Variants in GSE1 observed in about 807,000 individuals in gnomAD.
The protein encoded by GSE1 is Gse1 coiled-coil protein, also known as genetic suppressor element 1.
A neutral mutation model predicts 112.6 loss-of-function variants in GSE1; 32 were observed. The observed-to-expected ratio is 0.28, with a 90% CI of 0.21 to 0.38. The LOEUF (loss-of-function observed/expected upper bound fraction) is 0.38. GSE1 is among the 10% of genes least tolerant of loss of function. The pLI, the probability that GSE1 is intolerant of heterozygous loss-of-function variation, is 1.00. For missense variants in GSE1, 2,348 were observed against 1,699.2 expected, an observed-to-expected ratio of 1.38 and a Z score of -6.71; for synonymous variants, 1,115 against 735.6, an observed-to-expected ratio of 1.52 and a Z score of -8.35.
chr16:85,420,694 G>A (rs937542846), intron 2 of GSE1, among the ~76,000 whole-genome samples: 5 of 152,200 alleles, frequency 3.3e-5, no homozygotes, highest in Admixed American at 2.0e-4. Flanking sequence ...CCACACCTGT[G>A]ATCCGTCAGC....
chr16:85,398,680 C>G (rs138688197), intron 2 of GSE1, among the ~76,000 whole-genome samples: 6 of 152,224 alleles, frequency 3.9e-5, no homozygotes, highest in Non-Finnish European at 4.4e-5. Flanking sequence ...TCGAGGGGCT[C>G]ATTTCAGATG....
chr16:85,200,874 T>G (rs1348959254), intron 1 of GSE1, among the ~76,000 whole-genome samples: 1 of 152,228 alleles, frequency 6.6e-6, no homozygotes, highest in Non-Finnish European at 1.5e-5. Flanking sequence ...CTGTCCCCGG[T>G]AAACATGAAC....
At chr16:85,262,504 T>C (rs1459026548) in intron 1 of GSE1, among the ~76,000 whole-genome samples, 1 of 152,218 alleles carries the variant, frequency 6.6e-6, no homozygotes, top group African/African-American at 2.4e-5. Flanking sequence ...AAGCATGCCT[T>C]GGCCTCCCTC....
intron 2 of GSE1, among the ~76,000 whole-genome samples, chr16:85,390,433 GT>G (rs1874881684): frequency 6.6e-6 from 1 of 152,126 alleles, no homozygotes; most frequent in Admixed American, 6.5e-5. Flanking sequence ...GGGGCAGCTA[GT>G]CCCCTTTGAG....
intron 1 of GSE1, among the ~76,000 whole-genome samples, chr16:85,562,558 T>TCCTTCTAC (rs988878868): frequency 2.0e-5 from 3 of 152,252 alleles, no homozygotes; most frequent in African/African-American, 7.2e-5. Flanking sequence ...AGAATGCGTG[T>TCCTTCTAC]CCTTCTACGC....
chr16:85,420,998 T>C (rs2048830487), intron 2 of GSE1, among the ~76,000 whole-genome samples: 1 of 152,162 alleles, frequency 6.6e-6, no homozygotes, highest in African/African-American at 2.4e-5. Context: ...CACGTGACGC[T>C]CTAGGCCTCA....
chr16:85,331,700 TATATA>T (rs1567693508), intron 1 of GSE1, among the ~76,000 whole-genome samples: 16 of 58,588 alleles, frequency 2.7e-4, no homozygotes, highest in African/African-American at 7.1e-4. Flanking sequence ...TATATATATA[TATATA>T]TATTTTTTTT....
chr16:85,531,785 G>A (rs2044146362), intron 2 of GSE1, among the ~76,000 whole-genome samples: 1 of 152,204 alleles, frequency 6.6e-6, no homozygotes, highest in African/African-American at 2.4e-5. Flanking sequence ...ATGGGCTCAG[G>A]GAGGGGCCAG....
At chr16:85,176,363 G>C (rs2074464672) in intron 1 of GSE1, among the ~76,000 whole-genome samples, 1 of 152,220 alleles carries the variant, frequency 6.6e-6, no homozygotes, top group African/African-American at 2.4e-5. Flanking sequence ...ACATCTCAGG[G>C]GCAGGAGTTA....
intron 1 of GSE1, among the ~76,000 whole-genome samples, chr16:85,277,295 A>AT (rs913057586): frequency 3.0e-4 from 45 of 151,780 alleles, no homozygotes; most frequent in Non-Finnish European, 5.2e-4. Context: ...AGGCTGGGTC[A>AT]TTTTTTTTGC....
chr16:85,670,930 G>C, intron 14 of GSE1, 65 bp from the exon 15 acceptor site: 3 of 983,882 alleles, frequency 3.0e-6, no homozygotes, highest in Non-Finnish European at 4.9e-6. Context: ...GTGAAGAGGA[G>C]AGCACAAAGC....
At chr16:85,427,788 C>T (rs1362437307) in intron 2 of GSE1, among the ~76,000 whole-genome samples, 3 of 152,168 alleles carry the variant, frequency 2.0e-5, no homozygotes, top group African/African-American at 7.2e-5. Flanking sequence ...GCCCAGATCG[C>T]GCCACTGCAC....
intron 2 of GSE1, among the ~76,000 whole-genome samples, chr16:85,645,630 C>A (rs1237076415): frequency 1.3e-5 from 2 of 152,330 alleles, no homozygotes; most frequent in East Asian, 3.9e-4. Context: ...CTCTGGGCAC[C>A]CCCTGTGAGC....
chr16:85,666,482 T>C, intron 13 of GSE1, 135 bp downstream of exon 13: 1 of 803,560 alleles, frequency 1.2e-6, no homozygotes, highest in Non-Finnish European at 2.0e-6. Context: ...AAGAAAATAA[T>C]TTCGTTATTA....
In GSE1 at chr16:85,675,517, C is replaced by G. The variant is rs963526831; in HGVS notation, c.*2978C>G. 6.6e-6 allele frequency: 1 copy of G among 152,208 alleles called. No individual in the cohort carries two copies. The highest frequency in any genetic ancestry group is 1.5e-5 in the Non-Finnish European group (1 of 68,026). The allele number at this position is 152,208 out of a possible 1,614,324, so 9.4% of individuals were successfully genotyped here. A position where few individuals can be genotyped will look rare whatever the true frequency, so the allele number is the denominator to read the frequency against. On this transcript the variant is annotated 3_prime_UTR_variant, in exon 16 of 16. Coordinates refer to ENST00000253458, the MANE Select transcript of GSE1 (RefSeq NM_014615.5). ...AAAGCACTGAATTGGGACTAACATT[C>G]TGATAGGTTGCACCCTTAAGAGTAT...
At chr16:85,409,106 AG>A (rs545149048) in intron 2 of GSE1, among the ~76,000 whole-genome samples, 92 of 580 alleles carry the variant, frequency 0.16, 44 homozygotes, top group African/African-American at 0.62. Flanking sequence ...TGTTACACTC[AG>A]GGGCCCCCTG....
chr16:85,459,065 C>T (rs1215606796), intron 2 of GSE1, among the ~76,000 whole-genome samples: 3 of 152,212 alleles, frequency 2.0e-5, no homozygotes, highest in African/African-American at 4.8e-5. Context: ...GACTTTCCGT[C>T]GGCTGCTGCC....
chr16:85,245,192 C>G (rs763301072), intron 1 of GSE1, among the ~76,000 whole-genome samples: 2 of 145,658 alleles, frequency 1.4e-5, no homozygotes, highest in African/African-American at 4.9e-5. Flanking sequence ...ACAAAACACC[C>G]CTGGCTCCAC....
chr16:85,221,234 C>A (rs1016520832), intron 1 of GSE1, among the ~76,000 whole-genome samples: 2 of 151,952 alleles, frequency 1.3e-5, no homozygotes, highest in South Asian at 4.2e-4. Flanking sequence ...CCGGGCTGTG[C>A]GAGGAGCCCC....
Sources: gnomAD v4.1 joint callset for allele counts (sites outside exome capture counted in the v4.1 genomes callset) on GRCh38, gnomAD v4.1.1 for gene constraint, MANE v1.5 for transcripts, NCBI Gene and HGNC (gene_info 2026-07-23, HGNC 2026-07-21) for gene names.